Variants in GALNTL6 observed in about 807,000 individuals in gnomAD.
GALNTL6 encodes polypeptide N-acetylgalactosaminyltransferase like 6, also known as polypeptide N-acetylgalactosaminyltransferase-like 6.
GALNTL6 carries 46 observed loss-of-function variants against 73.7 expected under a neutral mutation model. That is an observed-to-expected ratio of 0.62 (90% CI 0.49 to 0.80). GALNTL6 has a LOEUF of 0.80. Ranked by LOEUF, GALNTL6 falls within the 30% of genes least tolerant of loss-of-function variation. The probability of loss-of-function intolerance (pLI) is 0.00; values close to 1 mark genes in which losing one functional copy is unlikely to be tolerated. For synonymous variants in GALNTL6, 259 were observed against 263.7 expected, an observed-to-expected ratio of 0.98 and a Z score of 0.17; for missense variants, 604 against 755.0, an observed-to-expected ratio of 0.80 and a Z score of 2.34.
At chr4:171,814,857 G>A in intron 2 of GALNTL6, 139 bp downstream of exon 2, 1 of 773,560 alleles carries the variant, frequency 1.3e-6, no homozygotes, top group Non-Finnish European at 2.1e-6. Context: ...AGACTCTAGA[G>A]ACTTTGGGGT....
chr4:172,404,753 A>G (rs1464133983), intron 5 of GALNTL6, among the ~76,000 whole-genome samples: 1 of 152,130 alleles, frequency 6.6e-6, no homozygotes, highest in Non-Finnish European at 1.5e-5. Flanking sequence ...AATTGCAAAC[A>G]GCAGTCTAAT....
intron 5 of GALNTL6, among the ~76,000 whole-genome samples, chr4:172,769,068 G>A (rs1738606049): frequency 6.6e-6 from 1 of 152,002 alleles, no homozygotes; most frequent in South Asian, 2.1e-4. Context: ...GTCAGATTTA[G>A]CAAGTGATAA....
chr4:172,426,711 A>C (rs920812938), intron 5 of GALNTL6, among the ~76,000 whole-genome samples: 1 of 152,170 alleles, frequency 6.6e-6, no homozygotes, highest in Non-Finnish European at 1.5e-5. Flanking sequence ...TAGCTAATGT[A>C]GAATCTGACC....
intron 5 of GALNTL6, among the ~76,000 whole-genome samples, chr4:172,769,448 G>A (rs1189314003): frequency 5.3e-5 from 8 of 152,170 alleles, no homozygotes; most frequent in Admixed American, 5.2e-4. Context: ...AAGCATTTAA[G>A]CCTGGGTAAC....
intron 2 of GALNTL6, among the ~76,000 whole-genome samples, chr4:171,981,937 C>T (rs1739909340): frequency 6.6e-6 from 1 of 151,594 alleles, no homozygotes; most frequent in South Asian, 2.1e-4. Flanking sequence ...AGATCTATTC[C>T]TGAAAGAGGG....
rs748137250 is a variant in GALNTL6 at position 173,009,293 on chromosome 4, A to G, written c.1487A>G (p.Gln496Arg). The stretch of plus-strand genomic sequence containing the variant: ...TCTGAAAGAACATGGTCTCATGAAC[A>G]GGTGAGTCACCTCCCAGAAGCCAGG... ...DGSERTWSHE[Q>R]LFTFGWREDI... Residue 496 changes from glutamine to arginine, a missense_variant and splice_region_variant, in exon 11 of 13, where the codon CAG becomes CGG. By Grantham distance (43) the Gln-to-Arg change is conservative. Around this residue, in one of 5 missense-constraint regions of GALNTL6, gnomAD observed 261 missense variants for 296.5 expected, o/e 0.88. Coordinates refer to ENST00000506823, the MANE Select transcript of GALNTL6 (RefSeq NM_001034845.3). 1.3e-6 allele frequency: 2 copies of G among 1,596,736 alleles called. No individual in the cohort carries two copies. Among genetic ancestry groups the G allele is most frequent in the East Asian group, 2.2e-5 (1 of 44,802 alleles).
At chr4:172,681,380 G>T (rs1732625923) in intron 5 of GALNTL6, among the ~76,000 whole-genome samples, 1 of 152,054 alleles carries the variant, frequency 6.6e-6, no homozygotes, top group East Asian at 1.9e-4. Flanking sequence ...ATTAAAAACA[G>T]TGAAGAACAT....
At chr4:171,879,276 T>C (rs78087234) in intron 2 of GALNTL6, among the ~76,000 whole-genome samples, 6,105 of 152,210 alleles carry the variant, frequency 0.04, 387 homozygotes, top group African/African-American at 0.14. Flanking sequence ...ATAGAAAAAC[T>C]GAAGTGAAAG....
At chr4:172,533,518 T>C (rs879913730) in intron 5 of GALNTL6, among the ~76,000 whole-genome samples, 2 of 151,738 alleles carry the variant, frequency 1.3e-5, no homozygotes, top group African/African-American at 2.4e-5. Context: ...AGAGACAGGG[T>C]TTCACCATAT....
intron 2 of GALNTL6, among the ~76,000 whole-genome samples, chr4:171,905,311 A>C (rs1232648992): frequency 1.3e-5 from 2 of 151,816 alleles, no homozygotes; most frequent in African/African-American, 2.4e-5. Context: ...TCTACCAAGC[A>C]AATGGAAAAC....
intron 7 of GALNTL6, among the ~76,000 whole-genome samples, chr4:172,839,384 T>C (rs1197035645): frequency 6.6e-6 from 1 of 152,236 alleles, no homozygotes; most frequent in Non-Finnish European, 1.5e-5. Flanking sequence ...TATAGTATCT[T>C]AATATCACTA....
rs561791542 is a variant in GALNTL6 at position 172,046,216 on chromosome 4, A to G, written c.139-183440A>G. 6.6e-5 allele frequency among the ~76,000 whole-genome samples: 10 copies of G among 152,110 alleles called. No homozygotes were observed. The South Asian group carries it at 1.2e-3, about 19-fold the overall frequency. The stretch of plus-strand genomic sequence containing the variant: ...TGGATGATGTTGCAATAAACATGGG[A>G]TTGCAGATATTTCTTTGATATATTG... On this transcript the variant is annotated intron_variant, in intron 2 of 12. Coordinates refer to ENST00000506823, the MANE Select transcript of GALNTL6 (RefSeq NM_001034845.3).
intron 2 of GALNTL6, among the ~76,000 whole-genome samples, chr4:171,822,683 A>G (rs995611180): frequency 3.3e-5 from 5 of 152,200 alleles, no homozygotes; most frequent in South Asian, 2.1e-4. Flanking sequence ...TGTTGATACC[A>G]TATTTTTGGA....
At chr4:172,565,183 CA>C (rs1326279677) in intron 5 of GALNTL6, among the ~76,000 whole-genome samples, 1 of 152,144 alleles carries the variant, frequency 6.6e-6, no homozygotes, top group African/African-American at 2.4e-5. Flanking sequence ...AATCATTTCC[CA>C]AAAGGCCCCA....
rs369602473 is a variant in GALNTL6, at chr4:172,949,444, A to G, written c.1150-2593A>G. Reference sequence around the variant, plus strand: ...TGCTTCTGCTTTTTGCTATTCCCCAACTGTATTCATTTTCACTTATCACAG... The same window carrying G: ...TGCTTCTGCTTTTTGCTATTCCCCAGCTGTATTCATTTTCACTTATCACAG... On this transcript the variant is annotated intron_variant, in intron 9 of 12. Transcript: ENST00000506823. 2.5e-4 allele frequency among the ~76,000 whole-genome samples: 38 copies of G among 152,266 alleles called. No individual in the cohort carries two copies. The East Asian group carries it at 4.2e-3, about 17-fold the overall frequency.
chr4:171,913,999 T>C (rs1737544730), intron 2 of GALNTL6, among the ~76,000 whole-genome samples: 2 of 152,048 alleles, frequency 1.3e-5, no homozygotes. Flanking sequence ...CTGGAGTTAT[T>C]AACATGGTTA....
rs1734221137 is a variant in GALNTL6, at chr4:172,500,435, C to G, written c.553+151746C>G. 2.6e-5 allele frequency among the ~76,000 whole-genome samples: 4 copies of G among 152,086 alleles called. No homozygotes were observed. The South Asian group carries it at 8.3e-4, about 32-fold the overall frequency. On this transcript the variant is annotated intron_variant, in intron 5 of 12. Transcript: ENST00000506823. Reference sequence around the variant, plus strand: ...GCCCCCATCTCAGAGCAAAACAAAACCTCTGAAAACTAAAAACAAAGAATT... The same window carrying G: ...GCCCCCATCTCAGAGCAAAACAAAAGCTCTGAAAACTAAAAACAAAGAATT...
intron 10 of GALNTL6, among the ~76,000 whole-genome samples, chr4:172,968,024 C>CT (rs1255964419): frequency 6.6e-6 from 1 of 152,138 alleles, no homozygotes; most frequent in Admixed American, 6.5e-5. Context: ...CAACGCCATG[C>CT]TTTTGTTTAA....
chr4:172,411,154 C>T (rs1462522526), intron 5 of GALNTL6, among the ~76,000 whole-genome samples: 1 of 152,044 alleles, frequency 6.6e-6, no homozygotes, highest in Non-Finnish European at 1.5e-5. Flanking sequence ...AGTCAGCAAA[C>T]ATGAATGTGT....
Sources: allele counts gnomAD v4.1 joint callset (sites outside exome capture counted in the v4.1 genomes callset), GRCh38; gene constraint gnomAD v4.1.1; regional missense constraint gnomAD v4.1.1; transcripts MANE v1.5; gene names NCBI Gene and HGNC (gene_info 2026-07-23, HGNC 2026-07-21).